Variants in RP1L1 observed in about 807,000 individuals in gnomAD.
RP1L1 encodes RP1 like 1.
Under a neutral mutation model 15.7 loss-of-function variants are expected in RP1L1, and 27 were observed. The observed-to-expected ratio is 1.72, with a 90% CI of 1.27 to 2.38. The LOEUF is 2.38. RP1L1 is among the 30% of genes most tolerant of loss of function. The pLI, the probability that RP1L1 is intolerant of heterozygous loss-of-function variation, is 0.00. For synonymous variants in RP1L1, 1,813 were observed against 1,276.7 expected, an observed-to-expected ratio of 1.42 and a Z score of -8.96; for missense variants, 4,798 against 3,075.9, an observed-to-expected ratio of 1.56 and a Z score of -13.24.
At position 10,609,973 on chromosome 8, in the gene RP1L1, C is replaced by A. The variant is rs1797799696; in HGVS notation, c.4125G>T (p.Glu1375Asp). 1 of 1,613,850 alleles carries A rather than the reference C, an allele frequency of 6.2e-7. No homozygotes were observed. Among genetic ancestry groups the A allele is most frequent in the Non-Finnish European group, 8.5e-7 (1 of 1,179,888 alleles). The stretch of plus-strand genomic sequence containing the variant: ...CTCCTTCTGGCCCTTCTTTAACTTC[C>A]TCTAACTGCACCCCCTCTTCTTGCA... ...EGLQEEGVQL[E>D]EVKEGPEGGL... Residue 1375 changes from glutamate (E) to aspartate (D), a missense_variant, in exon 4 of 4, where the codon GAG becomes GAT. Glu to Asp is a conservative substitution (Grantham distance 45, BLOSUM62 2). Coordinates refer to ENST00000382483, the MANE Select transcript of RP1L1 (RefSeq NM_178857.6).
In RP1L1 at chr8:10,616,151, C is replaced by T. The variant is rs529316393; in HGVS notation, c.751+295G>A. Among the ~76,000 whole-genome samples the T allele has an allele frequency of 2.0e-5, 3 of 152,274 alleles. No individual in the cohort carries two copies. In the East Asian group the frequency reaches 5.8e-4, roughly 29 times the overall value. The stretch of plus-strand genomic sequence containing the variant: ...GTCCAACTCCTAGACTCAAGCTATC[C>T]TCTCGCTTTGGGCCCCCAAACGGCT... On this transcript the variant is annotated intron_variant, in intron 3 of 3. Transcript: ENST00000382483.
Position 10,609,027 on chromosome 8 carries a change from G to A in RP1L1, c.5071C>T (p.Gln1691Ter), listed in dbSNP as rs775911201. The change falls in exon 4 of 4, where the codon CAG (glutamine) becomes TAG (stop). Residue 1691 changes from glutamine to a stop codon, truncating the protein, a stop_gained. Transcript: ENST00000382483. LOFTEE classifies it low-confidence loss of function (END_TRUNC). Reference protein sequence around the residue: ...GPIKEAFDLQQILQRKRGEHT... With the variant: ...GPIKEAFDLQ ...TCTCCCCTCTTCCTCTGCAGAATCT[G>A]CTGCAGGTCAAAGGCCTCTTTGATG... 2.8e-5 allele frequency: 45 copies of A among 1,613,446 alleles called. 1 individual carries two copies. The South Asian group carries it at 4.3e-4, about 15-fold the overall frequency.
rs774365484 is a variant in RP1L1, at chr8:10,612,604, G to C, written c.1494C>G (p.Ser498Arg). The C allele has an allele frequency of 5.0e-6, 8 of 1,602,096 alleles. No homozygotes were observed. In the East Asian group the frequency reaches 1.1e-4, roughly 22 times the overall value. Residue 498 changes from serine (S) to arginine (R), a missense_variant, in exon 4 of 4, where the codon AGC becomes AGG. Ser to Arg is a moderately radical substitution (Grantham distance 110, BLOSUM62 -1). Coordinates refer to ENST00000382483, the MANE Select transcript of RP1L1 (RefSeq NM_178857.6). ...TGCATAGGCCGGGGTCCTCACCCAG[G>C]CTCCCTCCAGCTTTCCGCTCAGCCC... ...QIGAERKAGGSLGEDPGLCID... is the reference protein window; with the variant it reads ...QIGAERKAGGRLGEDPGLCID...
At chr8:10,650,625 C>G (rs1251085873) in intron 1 of RP1L1, among the ~76,000 whole-genome samples, 1 of 151,532 alleles carries the variant, frequency 6.6e-6, no homozygotes, top group Non-Finnish European at 1.5e-5. Flanking sequence ...GGTGCGATCT[C>G]AGCTCACTGC....
At position 10,609,963 on chromosome 8, in the gene RP1L1, C is replaced by A. The variant is rs1255597183; in HGVS notation, c.4135G>T (p.Glu1379Ter). ...CCTTGCAGTCCTCCTTCTGGCCCTTCTTTAACTTCCTCTAACTGCACCCCC... is the reference window on the plus strand; with the variant it reads ...CCTTGCAGTCCTCCTTCTGGCCCTTATTTAACTTCCTCTAACTGCACCCCC... ...EEGVQLEEVK[E>*]GPEGGLQGEA... The change falls in exon 4 of 4, where the codon GAA becomes TAA. Residue 1379 changes from glutamate to a stop codon, truncating the protein, a stop_gained. Transcript: ENST00000382483. LOFTEE classifies it low-confidence loss of function (END_TRUNC). 1 of 1,612,286 alleles carries A rather than the reference C, an allele frequency of 6.2e-7. No homozygotes were observed. The highest frequency in any genetic ancestry group is 2.2e-5 in the East Asian group (1 of 44,884).
chr8:10,637,192 G>A (rs1349219523), intron 1 of RP1L1, among the ~76,000 whole-genome samples: 1 of 152,160 alleles, frequency 6.6e-6, no homozygotes, highest in Non-Finnish European at 1.5e-5. Flanking sequence ...TCACAGCAAG[G>A]CTGCCTCTCC....
At chr8:10,632,624 G>C (rs992176559) in intron 1 of RP1L1, among the ~76,000 whole-genome samples, 1 of 152,242 alleles carries the variant, frequency 6.6e-6, no homozygotes, top group African/African-American at 2.4e-5. Flanking sequence ...GCTAGACCAA[G>C]GGTGAGGATG....
chr8:10,641,584 A>C (rs1310950107), intron 1 of RP1L1, among the ~76,000 whole-genome samples: 1 of 152,238 alleles, frequency 6.6e-6, no homozygotes, highest in Non-Finnish European at 1.5e-5. Context: ...TTAAAGAAAG[A>C]GCTTTTAACC....
chr8:10,638,295 G>C (rs753767631), intron 1 of RP1L1, among the ~76,000 whole-genome samples: 2 of 152,190 alleles, frequency 1.3e-5, no homozygotes, highest in African/African-American at 2.4e-5. Flanking sequence ...GAGTAAAAGA[G>C]TTTGGGTAGC....
rs780292412 is a variant in RP1L1 at position 10,613,057 on chromosome 8, G to A, written c.1041C>T (p.Ser347=). Residue 347 remains serine, a synonymous_variant, in exon 4 of 4, where the codon AGC becomes AGT. Transcript: ENST00000382483. ...LLWSRRMGRA[S]ALTAASGEDP... ...CTTCCCCACTGGCTGCCGTGAGGGC[G>A]CTGGCCCTGCCCATCCTCCGGGACC... 2.2e-5 allele frequency: 35 copies of A among 1,613,478 alleles called. 1 individual carries two copies. Among genetic ancestry groups the A allele is most frequent in the Non-Finnish European group, 2.5e-5 (29 of 1,180,026 alleles).
Position 10,610,760 on chromosome 8 carries a change from C to A in RP1L1, c.3338G>T (p.Cys1113Phe). 6.2e-7 allele frequency: 1 copy of A among 1,613,374 alleles called. No homozygotes were observed. Among genetic ancestry groups the A allele is most frequent in the Non-Finnish European group, 8.5e-7 (1 of 1,180,012 alleles). Residue 1113 changes from cysteine (C) to phenylalanine (F), a missense_variant, in exon 4 of 4, where the codon TGC becomes TTC. Cys to Phe is a radical substitution (Grantham distance 205, BLOSUM62 -2). Coordinates refer to ENST00000382483, the MANE Select transcript of RP1L1 (RefSeq NM_178857.6). ...ACAAGTAATGAGGGCCCCGGCTGAG[C>A]AGCTGAGCCTCCTGGCCATGGGCCT... is the stretch of plus-strand genomic sequence containing the variant. ...VSRPMARRLS[C>F]SAGALITCLA...
chr8:10,623,191 G>T lies in RP1L1; in HGVS notation c.11C>A (p.Thr4Asn), dbSNP rs754667501. The T allele has an allele frequency of 1.6e-5, 25 of 1,563,976 alleles. No homozygotes were observed. In the South Asian group the frequency reaches 1.8e-4, roughly 11 times the overall value. ...GCTCGGGGCCTGGGCATTCCTGGGG[G>T]TGCTGTTCATGGTGTGGGGGCTCTG... MNS[T>N]PRNAQAPSHR... The change falls in exon 2 of 4, where the codon ACC becomes AAC. Residue 4 changes from threonine (T) to asparagine (N), a missense_variant. Coordinates refer to ENST00000382483, the MANE Select transcript of RP1L1 (RefSeq NM_178857.6).
chr8:10,633,325 G>A (rs568681549), intron 1 of RP1L1, among the ~76,000 whole-genome samples: 26 of 152,244 alleles, frequency 1.7e-4, no homozygotes, highest in Admixed American at 7.8e-4. Context: ...AATCCAACCC[G>A]AAATCAGAGG....
intron 1 of RP1L1, among the ~76,000 whole-genome samples, chr8:10,624,255 T>C (rs555908885): frequency 6.6e-6 from 1 of 152,264 alleles, no homozygotes; most frequent in Admixed American, 6.5e-5. Flanking sequence ...CTGGGTGGCA[T>C]CCTGGGATGC....
chr8:10,611,994 G>A lies in RP1L1; in HGVS notation c.2104C>T (p.Pro702Ser), dbSNP rs1797866958. 6.2e-7 allele frequency: 1 copy of A among 1,613,804 alleles called. No individual in the cohort carries two copies. Among genetic ancestry groups the A allele is most frequent in the Non-Finnish European group, 8.5e-7 (1 of 1,179,980 alleles). ...RRRACQDGSVPRYSGSSSSTR... is the reference protein window; with the variant it reads ...RRRACQDGSVSRYSGSSSSTR... ...CTCGATGAGCTTCCAGAATATCGTG[G>A]CACTGAGCCATCCTGGCAGGCCCTT... The change falls in exon 4 of 4, where the codon CCA becomes TCA. Residue 702 changes from proline (P) to serine (S), a missense_variant. Coordinates refer to ENST00000382483, the MANE Select transcript of RP1L1 (RefSeq NM_178857.6).
intron 3 of RP1L1, 47 bp downstream of exon 3, chr8:10,616,399 C>G: frequency 6.2e-7 from 1 of 1,613,286 alleles, no homozygotes; most frequent in South Asian, 1.1e-5. Flanking sequence ...CCTACTGAAC[C>G]ACCATGCAGT....
At chr8:10,636,447 G>C (rs553150032) in intron 1 of RP1L1, among the ~76,000 whole-genome samples, 1 of 152,154 alleles carries the variant, frequency 6.6e-6, no homozygotes, top group Non-Finnish European at 1.5e-5. Flanking sequence ...TGGAGACATC[G>C]CATCTGCCCT....
Position 10,608,564 on chromosome 8 carries a change from T to G in RP1L1, c.5534A>C (p.Gln1845Pro). ...GGCCTCTACACCTTCTGACTCTGGC[T>G]GGGCCTCCCCTTCAGCCTCCGGGGC... ...IEAPEAEGEA[Q>P]PESEGVEAPE... Residue 1845 changes from glutamine (Q) to proline (P), a missense_variant, in exon 4 of 4, where the codon CAG (glutamine) becomes CCG (proline). Transcript: ENST00000382483. The G allele has an allele frequency of 6.2e-7, 1 of 1,610,910 alleles. No homozygotes were observed. Among genetic ancestry groups the G allele is most frequent in the Non-Finnish European group, 8.5e-7 (1 of 1,177,634 alleles).
At chr8:10,626,960 C>T (rs1440988283) in intron 1 of RP1L1, among the ~76,000 whole-genome samples, 1 of 152,090 alleles carries the variant, frequency 6.6e-6, no homozygotes, top group Non-Finnish European at 1.5e-5. Flanking sequence ...CCACCTCACA[C>T]CATTAGAACG....
Sources: gnomAD v4.1 joint callset for allele counts (sites outside exome capture counted in the v4.1 genomes callset) on GRCh38, gnomAD v4.1.1 for gene constraint, MANE v1.5 for transcripts, NCBI Gene and HGNC (gene_info 2026-07-23, HGNC 2026-07-21) for gene names.